SLC24A2: variants seen among roughly 807,000 people sequenced by gnomAD.
The protein encoded by SLC24A2 is solute carrier family 24 member 2, also known as sodium/potassium/calcium exchanger 2.
In SLC24A2, 36 loss-of-function variants were observed where a neutral mutation model predicts 62.0. The ratio of observed to expected loss-of-function variants is 0.58; its 90% CI spans 0.44 to 0.77. The LOEUF (loss-of-function observed/expected upper bound fraction) is 0.77. SLC24A2 is among the 30% of genes least tolerant of loss of function. SLC24A2 has a pLI of 0.00. For synonymous variants in SLC24A2, 358 were observed against 294.0 expected (o/e 1.22, Z -2.23); for missense variants, 846 against 817.9 (o/e 1.03, Z -0.42).
chr9:19,708,599 C>G (rs918699578), intron 2 of SLC24A2, among the ~76,000 whole-genome samples: 6 of 152,136 alleles, frequency 3.9e-5, no homozygotes, highest in African/African-American at 9.7e-5. Flanking sequence ...AGAAATAATG[C>G]CACATATCTA....
At chr9:20,044,116 C>T in the SLC24A2 span, among the ~76,000 whole-genome samples, 301 of 149,708 alleles carry the variant, frequency 2.0e-3, 1 homozygote, top group African/African-American at 7.2e-3. Flanking sequence ...ATCACTAGCA[C>T]TTTTTTTTTT....
the SLC24A2 span, among the ~76,000 whole-genome samples, chr9:20,268,779 A>G: frequency 6.6e-6 from 1 of 152,192 alleles, no homozygotes; most frequent in African/African-American, 2.4e-5. Context: ...GCCTATTTGA[A>G]TATACTCAGT....
Position 19,619,609 on chromosome 9 carries a change from T to A in SLC24A2, c.1053A>T (p.Ile351=). Residue 351 remains isoleucine (I), a synonymous_variant, in exon 4 of 11, where the codon ATA becomes ATT. Coordinates refer to ENST00000341998, the MANE Select transcript of SLC24A2 (RefSeq NM_020344.4). ...LMRNSIFQLM[I]HTLDPLAEEL... is the part of the protein sequence containing the mutation. ...CTTCGGCGAGTGGGTCAAGGGTGTGTATCATGAGTTGGAAGATGCTATTCC... is the reference window on the plus strand; with the variant it reads ...CTTCGGCGAGTGGGTCAAGGGTGTGAATCATGAGTTGGAAGATGCTATTCC... 6.2e-7 allele frequency: 1 copy of A among 1,613,912 alleles called. No homozygotes were observed.
the SLC24A2 span, among the ~76,000 whole-genome samples, chr9:20,215,483 A>C: frequency 6.6e-6 from 1 of 152,254 alleles, no homozygotes; most frequent in Non-Finnish European, 1.5e-5. Flanking sequence ...AATAGAAAAA[A>C]AAAGTCTAGC....
the SLC24A2 span, among the ~76,000 whole-genome samples, chr9:20,233,347 T>A: frequency 6.6e-6 from 1 of 152,096 alleles, no homozygotes; most frequent in African/African-American, 2.4e-5. Flanking sequence ...CCCATTATTA[T>A]TGTGTGGGAG....
At chr9:19,572,587 T>C (rs1485863506) in intron 7 of SLC24A2, among the ~76,000 whole-genome samples, 4 of 152,226 alleles carry the variant, frequency 2.6e-5, no homozygotes, top group African/African-American at 9.6e-5. Context: ...CCTTCTGCCA[T>C]GATTATAAGT....
chr9:19,877,518 C>G, the SLC24A2 span, among the ~76,000 whole-genome samples: 8 of 151,790 alleles, frequency 5.3e-5, no homozygotes, highest in African/African-American at 1.9e-4. Flanking sequence ...AAACCGACCT[C>G]AAGTGTGGAA....
At chr9:19,796,902 T>G in the SLC24A2 span, among the ~76,000 whole-genome samples, 1 of 152,166 alleles carries the variant, frequency 6.6e-6, no homozygotes, top group African/African-American at 2.4e-5. Context: ...CTGGGAAATT[T>G]GTTTTGTGTA....
intron 7 of SLC24A2, among the ~76,000 whole-genome samples, chr9:19,564,700 A>C (rs755756870): frequency 9.9e-5 from 15 of 152,156 alleles, no homozygotes; most frequent in Non-Finnish European, 2.2e-4. Context: ...TGAAATAAAA[A>C]CTGCAACACA....
intron 7 of SLC24A2, among the ~76,000 whole-genome samples, chr9:19,561,880 A>G (rs1835421752): frequency 6.6e-6 from 1 of 152,322 alleles, no homozygotes; most frequent in South Asian, 2.1e-4. Flanking sequence ...AGAAGGTTTC[A>G]CTCAGTAATG....
chr9:20,287,733 T>A, the SLC24A2 span, among the ~76,000 whole-genome samples: 1 of 152,164 alleles, frequency 6.6e-6, no homozygotes, highest in Non-Finnish European at 1.5e-5. Flanking sequence ...ACACATTGCC[T>A]CTGTTGATCT....
intron 9 of SLC24A2, among the ~76,000 whole-genome samples, chr9:19,525,124 G>T (rs1348087738): frequency 6.6e-6 from 1 of 152,080 alleles, no homozygotes; most frequent in Non-Finnish European, 1.5e-5. Flanking sequence ...TGACTCCAAG[G>T]CACAGAGAAC....
chr9:19,808,101 T>C, the SLC24A2 span, among the ~76,000 whole-genome samples: 3 of 152,168 alleles, frequency 2.0e-5, no homozygotes, highest in African/African-American at 7.2e-5. This position sits in a 1 kb window ranked among gnomAD's most constrained non-coding sequence, Gnocchi z 4.1. Flanking sequence ...AGTTACTGAG[T>C]AATCTTTTTG....
At chr9:20,074,613 GT>G in the SLC24A2 span, among the ~76,000 whole-genome samples, 11 of 128,186 alleles carry the variant, frequency 8.6e-5, no homozygotes, top group South Asian at 3.0e-4. Flanking sequence ...AAAGAAGGGA[GT>G]GAGGGAGGGA....
chr9:19,676,708 T>A (rs138729506), intron 2 of SLC24A2, among the ~76,000 whole-genome samples: 11 of 152,272 alleles, frequency 7.2e-5, no homozygotes, highest in African/African-American at 2.6e-4. Flanking sequence ...CCCATTCCAG[T>A]TAAAATGTCA....
chr9:19,725,009 C>A (rs911765801), intron 2 of SLC24A2, among the ~76,000 whole-genome samples: 2 of 152,278 alleles, frequency 1.3e-5, no homozygotes, highest in Admixed American at 6.5e-5. Flanking sequence ...ACCTTTCCAG[C>A]GCTGGTCTGC....
intron 4 of SLC24A2, among the ~76,000 whole-genome samples, chr9:19,603,022 T>C (rs1321916163): frequency 6.6e-6 from 1 of 152,138 alleles, no homozygotes; most frequent in Non-Finnish European, 1.5e-5. Context: ...AAAATAATAT[T>C]AAAGATAGTG....
At chr9:19,532,469 A>G (rs565309801) in intron 8 of SLC24A2, among the ~76,000 whole-genome samples, 15 of 152,188 alleles carry the variant, frequency 9.9e-5, no homozygotes, top group African/African-American at 3.6e-4. Flanking sequence ...CAGTTGTTAA[A>G]TTGTATTGTT....
At chr9:20,087,864 C>A in the SLC24A2 span, among the ~76,000 whole-genome samples, 1 of 151,850 alleles carries the variant, frequency 6.6e-6, no homozygotes, top group East Asian at 1.9e-4. Flanking sequence ...GGACGACCAC[C>A]TACCTGGGAG....
Sources: allele counts gnomAD v4.1 joint callset (sites outside exome capture counted in the v4.1 genomes callset), GRCh38; gene constraint gnomAD v4.1.1; non-coding constraint Gnocchi (gnomAD v3.1); transcripts MANE v1.5; gene names NCBI Gene and HGNC (gene_info 2026-07-23, HGNC 2026-07-21).